MMP26: variants seen among roughly 807,000 people sequenced by gnomAD.
MMP26 encodes the protein matrix metalloproteinase-26.
Under a neutral mutation model 31.0 loss-of-function variants are expected in MMP26, and 33 were observed. The observed-to-expected ratio is 1.06, with a 90% CI of 0.81 to 1.42. The LOEUF (loss-of-function observed/expected upper bound fraction) is 1.42, where lower values mean the gene tolerates loss of function less well. MMP26 is among the 40% of genes most tolerant of loss of function. MMP26 has a pLI of 0.00. For missense variants in MMP26, 347 were observed against 316.1 expected (o/e 1.10, Z -0.74); for synonymous variants, 122 against 114.9 (o/e 1.06, Z -0.40).
At chr11:4,774,013 C>T (rs1467841889) in intron 2 of MMP26, among the ~76,000 whole-genome samples, 1 of 152,162 alleles carries the variant, frequency 6.6e-6, no homozygotes, top group African/African-American at 2.4e-5. Flanking sequence ...TTTATATGTA[C>T]CACATTTTCT....
At chr11:4,812,900 A>C (rs1423531694) in intron 2 of MMP26, among the ~76,000 whole-genome samples, 1 of 151,654 alleles carries the variant, frequency 6.6e-6, no homozygotes, top group Non-Finnish European at 1.5e-5. Context: ...TCTGGGCTTA[A>C]CTTTTTCCTT....
At chr11:4,751,014 A>T (rs1332666834) in intron 1 of MMP26, among the ~76,000 whole-genome samples, 2 of 152,104 alleles carry the variant, frequency 1.3e-5, no homozygotes, top group African/African-American at 4.8e-5. Context: ...CCATTCAACT[A>T]TGCAGTTTGG....
At chr11:4,886,540 A>G (rs1850548170) in intron 2 of MMP26, among the ~76,000 whole-genome samples, 1 of 151,850 alleles carries the variant, frequency 6.6e-6, no homozygotes, top group African/African-American at 2.4e-5. Context: ...TTATTCAGAT[A>G]ACTAATTGTT....
At chr11:4,814,131 C>T (rs1302351481) in intron 2 of MMP26, among the ~76,000 whole-genome samples, 1 of 152,152 alleles carries the variant, frequency 6.6e-6, no homozygotes, top group Non-Finnish European at 1.5e-5. Context: ...ATTAAGTGCA[C>T]TGACAACACT....
At chr11:4,769,106 G>C (rs1361061884) in intron 2 of MMP26, 1 of 1,599,996 alleles carries the variant, frequency 6.3e-7, no homozygotes, top group Non-Finnish European at 8.5e-7. Context: ...GACTACTCTG[G>C]GGGCTGACCG....
chr11:4,796,043 G>A (rs759757929), intron 2 of MMP26, among the ~76,000 whole-genome samples: 6 of 152,150 alleles, frequency 3.9e-5, no homozygotes, highest in African/African-American at 1.2e-4. Flanking sequence ...AGGACAAGTC[G>A]CCACTCTGAG....
At chr11:4,942,125 A>T (rs572256108) in intron 2 of MMP26, among the ~76,000 whole-genome samples, 1 of 150,510 alleles carries the variant, frequency 6.6e-6, no homozygotes, top group Non-Finnish European at 1.5e-5. Flanking sequence ...GTAAAACCCT[A>T]CTCAGACTGC....
At chr11:4,967,352 C>T (rs956521342) in intron 2 of MMP26, among the ~76,000 whole-genome samples, 1 of 152,174 alleles carries the variant, frequency 6.6e-6, no homozygotes, top group Non-Finnish European at 1.5e-5. Context: ...CAGCAAGAAT[C>T]GCAATTAACT....
chr11:4,989,700 A>G lies in MMP26; in HGVS notation c.152A>G (p.Gln51Arg), dbSNP rs543455791. 3.3e-5 allele frequency: 54 copies of G among 1,613,836 alleles called. 1 individual carries two copies. In the South Asian group the frequency reaches 5.7e-4, roughly 17 times the overall value. The change falls in exon 4 of 8, where the codon CAG becomes CGG. Residue 51 changes from glutamine (Q) to arginine (R), a missense_variant. By Grantham distance (43) the Gln-to-Arg change is conservative. Transcript: ENST00000380390. ...AAGAAGGAGTCGCCACTCCTTACCC[A>G]GGAGACACAAACACAGCTCCTGCAA... The part of the protein sequence containing the change: ...LTKKESPLLT[Q>R]ETQTQLLQQF...
Position 4,990,672 on chromosome 11 carries a change from G to A in MMP26, c.395G>A (p.Ser132Asn), listed in dbSNP as rs376216232. The A allele has an allele frequency of 5.0e-6, 8 of 1,614,006 alleles. No individual in the cohort carries two copies. In the African/African-American group the frequency reaches 8.0e-5, roughly 16 times the overall value. ...DSIYNAVSIW[S>N]NVTPLIFQQV... ...ATATATAATGCAGTTTCCATCTGGA[G>A]CAATGTGACCCCTTTGATATTCCAG... Residue 132 changes from serine to asparagine, a missense_variant, in exon 5 of 8, where the codon AGC becomes AAC. Coordinates refer to ENST00000380390, the MANE Select transcript of MMP26 (RefSeq NM_021801.5).
chr11:4,853,170 T>C (rs1471770929), intron 2 of MMP26, among the ~76,000 whole-genome samples: 4 of 152,190 alleles, frequency 2.6e-5, no homozygotes, highest in Non-Finnish European at 5.9e-5. Context: ...TATTGTATAC[T>C]TGAAATTTGC....
At chr11:4,841,234 T>A (rs1849790367) in intron 2 of MMP26, among the ~76,000 whole-genome samples, 1 of 152,038 alleles carries the variant, frequency 6.6e-6, no homozygotes, top group Admixed American at 6.5e-5. Context: ...GAGAAAGAGA[T>A]AAGAGTTAGA....
intron 2 of MMP26, among the ~76,000 whole-genome samples, chr11:4,772,299 G>C (rs1848736427): frequency 1.3e-5 from 2 of 152,162 alleles, no homozygotes; most frequent in Non-Finnish European, 2.9e-5. Context: ...TAGCATTGGG[G>C]AATAGAGAGA....
rs539179576 is a variant in MMP26, at chr11:4,947,304, A to G, written c.-144-40764A>G. The G allele has an allele frequency of 5.2e-3, 2,026 of 390,568 alleles. 489 individuals are homozygous for G. The highest frequency in any genetic ancestry group is 7.9e-3 in the Non-Finnish European group (1,705 of 215,228). 24.2% of individuals were successfully genotyped at this position (390,568 alleles called of 1,614,324 possible). ...TTTGGACTATAATCTGTCGTATAAT[A>G]CATTGGAAAAATTATTTCTGGACAT... On this transcript the variant is annotated intron_variant, in intron 2 of 7. Transcript: ENST00000380390.
chr11:4,847,394 A>G (rs1237851025), intron 2 of MMP26: 1 of 152,174 alleles, frequency 6.6e-6, no homozygotes, highest in African/African-American at 2.4e-5. Flanking sequence ...ATTATAGTTA[A>G]GTTTGGGGGA....
At chr11:4,919,598 T>A (rs2133579387) in intron 2 of MMP26, among the ~76,000 whole-genome samples, 1 of 152,270 alleles carries the variant, frequency 6.6e-6, no homozygotes, top group South Asian at 2.1e-4. Flanking sequence ...GGCAAGAGTT[T>A]TGAACCAACG....
intron 2 of MMP26, among the ~76,000 whole-genome samples, chr11:4,969,263 G>A (rs933599887): frequency 2.0e-5 from 3 of 151,918 alleles, no homozygotes; most frequent in Non-Finnish European, 4.4e-5. Context: ...TCAAGTATAA[G>A]TAACTCATAT....
chr11:4,954,639 T>C lies in MMP26; in HGVS notation c.-144-33429T>C, dbSNP rs1166365459. ...CAGTTTTATTCCCATTCTCAGTATC[T>C]AGAGTGAATAAAATAAGTCTGTGAT... On this transcript the variant is annotated intron_variant, in intron 2 of 7. Transcript: ENST00000380390. The C allele has an allele frequency of 4.1e-4, 239 of 580,442 alleles. 55 individuals carry two copies. The highest frequency in any genetic ancestry group is 1.8e-3 in the Middle Eastern group (4 of 2,178). 36.0% of individuals were successfully genotyped at this position (580,442 alleles called of 1,614,324 possible). A position where few individuals can be genotyped will look rare whatever the true frequency, so the allele number is the denominator to read the frequency against.
Position 4,848,919 on chromosome 11 carries a change from G to T in MMP26, c.-145+81578G>T, listed in dbSNP as rs762319949. On this transcript the variant is annotated intron_variant, in intron 2 of 7. Transcript: ENST00000380390. Reference sequence around the variant, plus strand: ...GCAGGCTGAGGCAGGGACAGTGTGAGCACCAGCAAGGGCGATGCCCAGCAG... The same window carrying T: ...GCAGGCTGAGGCAGGGACAGTGTGATCACCAGCAAGGGCGATGCCCAGCAG... 11 of 1,613,954 alleles carry T rather than the reference G, an allele frequency of 6.8e-6. No homozygotes were observed. Among genetic ancestry groups the T allele is most frequent in the African/African-American group, 1.3e-5 (1 of 74,918 alleles).
Sources: gnomAD v4.1 joint callset for allele counts (sites outside exome capture counted in the v4.1 genomes callset) on GRCh38, gnomAD v4.1.1 for gene constraint, MANE v1.5 for transcripts, NCBI Gene and HGNC (gene_info 2026-07-23, HGNC 2026-07-21) for gene names.